SCLT1: variants seen among roughly 807,000 people sequenced by gnomAD.
SCLT1 encodes sodium channel-associated protein 1.
Under a neutral mutation model 112.8 loss-of-function variants are expected in SCLT1, and 78 were observed. The observed-to-expected ratio is 0.69, with a 90% confidence interval of 0.58 to 0.83. SCLT1 has a LOEUF of 0.83. Ranked by LOEUF, SCLT1 falls within the 40% of genes least tolerant of loss-of-function variation. The pLI, the probability that SCLT1 is intolerant of heterozygous loss-of-function variation, is 0.00. For synonymous variants in SCLT1, 257 were observed against 254.7 expected, an observed-to-expected ratio of 1.01 and a Z score of -0.09; for missense variants, 747 against 770.4, an observed-to-expected ratio of 0.97 and a Z score of 0.36.
chr4:129,013,941 G>C (rs746083530), intron 5 of SCLT1, among the ~76,000 whole-genome samples: 85 of 152,154 alleles, frequency 5.6e-4, no homozygotes, highest in African/African-American at 2.0e-3. Context: ...TTTCAGGGAT[G>C]CCTATGAGTC....
chr4:129,093,157 CAGAG>C lies in SCLT1; in HGVS notation c.-58_-55del. On this transcript the variant is annotated 5_prime_UTR_variant, in exon 1 of 21. Coordinates refer to ENST00000281142, the MANE Select transcript of SCLT1 (RefSeq NM_144643.4). ...ACCACCTTTACCTTCCTCTGAAAGA[CAGAG>C]AGCTTGCTGTGCGGGAAAACAAAAC... 6.4e-7 allele frequency: 1 copy of C among 1,561,906 alleles called. No individual in the cohort carries two copies. The highest frequency in any genetic ancestry group is 1.4e-5 in the African/African-American group (1 of 73,964).
Position 129,072,186 on chromosome 4 carries a change from AAC to A in SCLT1, c.102+10118_102+10119del, listed in dbSNP as rs570464943. On this transcript the variant is annotated intron_variant, in intron 2 of 20. Transcript: ENST00000281142. ...CTACTGAGAGATCTGCTGCTAATATAACAGGTTTTCCTTTATAGGTTACCTGG... is the reference window on the plus strand; with the variant it reads ...CTACTGAGAGATCTGCTGCTAATATAAGGTTTTCCTTTATAGGTTACCTGG... 2.5e-3 allele frequency among the ~76,000 whole-genome samples: 379 copies of A among 152,284 alleles called. 5 individuals carry two copies. The highest frequency in any genetic ancestry group is 1.2e-3 in the East Asian group (6 of 5,184).
chr4:128,965,094 T>G (rs975916017), intron 11 of SCLT1, 133 bp downstream of exon 11: 6 of 566,870 alleles, frequency 1.1e-5, no homozygotes, highest in Admixed American at 6.8e-5. Flanking sequence ...TTAAATCAGA[T>G]TTTACACCTA....
chr4:128,904,236 T>A (rs1734528498), intron 18 of SCLT1, among the ~76,000 whole-genome samples: 1 of 152,162 alleles, frequency 6.6e-6, no homozygotes, highest in Admixed American at 6.6e-5. Flanking sequence ...TATAGAAGAA[T>A]GAGGAATCCC....
chr4:128,937,670 G>A (rs1461582418), intron 17 of SCLT1, among the ~76,000 whole-genome samples: 1 of 152,124 alleles, frequency 6.6e-6, no homozygotes, highest in Non-Finnish European at 1.5e-5. Flanking sequence ...ATTAATGAAT[G>A]AATTATTTTT....
At chr4:128,890,322 AT>A (rs372593192) in intron 19 of SCLT1, among the ~76,000 whole-genome samples, 3,636 of 151,952 alleles carry the variant, frequency 0.024, 114 homozygotes, top group African/African-American at 0.074. Flanking sequence ...CTTCTTTCAA[AT>A]TTTTTTTGTA....
chr4:128,963,880 A>T (rs1381809077), intron 11 of SCLT1, among the ~76,000 whole-genome samples: 1 of 152,208 alleles, frequency 6.6e-6, no homozygotes, highest in Non-Finnish European at 1.5e-5. Flanking sequence ...CATTGTGTCA[A>T]ATGAAAAGAT....
chr4:128,945,942 G>T, intron 16 of SCLT1, 65 bp downstream of exon 16: 1 of 1,131,106 alleles, frequency 8.8e-7, no homozygotes, highest in Non-Finnish European at 1.3e-6. Context: ...AAAAGGTAGC[G>T]AATCTGTCAA....
intron 11 of SCLT1, among the ~76,000 whole-genome samples, chr4:128,963,789 G>T (rs1739942561): frequency 6.6e-6 from 1 of 151,976 alleles, no homozygotes; most frequent in Non-Finnish European, 1.5e-5. Context: ...ACCTATATTA[G>T]TTATTCTAAA....
chr4:128,953,671 C>A (rs1738961677), intron 13 of SCLT1, among the ~76,000 whole-genome samples: 1 of 151,332 alleles, frequency 6.6e-6, no homozygotes, highest in Non-Finnish European at 1.5e-5. Flanking sequence ...TGGTGGCAGG[C>A]ACCTGTAGTC....
chr4:129,084,724 C>A (rs1217301273), intron 1 of SCLT1, among the ~76,000 whole-genome samples: 1 of 152,110 alleles, frequency 6.6e-6, no homozygotes, highest in Non-Finnish European at 1.5e-5. Context: ...GGCCACATAC[C>A]TACAACTATC....
At chr4:128,982,978 T>A (rs1741791613) in intron 9 of SCLT1, among the ~76,000 whole-genome samples, 1 of 152,148 alleles carries the variant, frequency 6.6e-6, no homozygotes, top group Non-Finnish European at 1.5e-5. Flanking sequence ...AACCTCCACC[T>A]CCCAGGTTCA....
intron 5 of SCLT1, among the ~76,000 whole-genome samples, chr4:129,034,251 A>T (rs978554981): frequency 2.0e-5 from 3 of 152,094 alleles, no homozygotes; most frequent in Non-Finnish European, 4.4e-5. Context: ...ACTATACTGT[A>T]TTCATAGGAT....
intron 5 of SCLT1, among the ~76,000 whole-genome samples, chr4:129,013,396 TAC>T (rs1459786116): frequency 6.6e-6 from 1 of 152,190 alleles, no homozygotes; most frequent in Non-Finnish European, 1.5e-5. Context: ...GTGGTTGCTT[TAC>T]AGTGTCACTG....
intron 9 of SCLT1, among the ~76,000 whole-genome samples, chr4:128,983,697 T>C (rs775426373): frequency 1.2e-4 from 18 of 152,154 alleles, no homozygotes; most frequent in Non-Finnish European, 1.5e-4. Flanking sequence ...TATGACAAGG[T>C]ATCACCAAAA....
At chr4:129,014,085 C>T (rs150170126) in intron 5 of SCLT1, among the ~76,000 whole-genome samples, 15 of 152,262 alleles carry the variant, frequency 9.9e-5, no homozygotes, top group African/African-American at 3.1e-4. Context: ...TTCTTTCCTC[C>T]ACTTGATCTA....
In SCLT1 at chr4:128,999,817, C is replaced by T. The variant is rs200939052; in HGVS notation, c.427-23G>A. 137 of 1,563,498 alleles carry T rather than the reference C, an allele frequency of 8.8e-5. No individual in the cohort carries two copies. The African/African-American group carries it at 1.7e-3, about 20-fold the overall frequency. On this transcript the variant is annotated intron_variant, in intron 6 of 20. Transcript: ENST00000281142. ...TTCCTATTAAAAAAGTTTGATAACT[C>T]ATTAAATTATCAGCAGGCTATTTAT... is the stretch of plus-strand genomic sequence containing the variant.
intron 9 of SCLT1, chr4:128,971,670 A>G (rs1740698736): frequency 6.6e-6 from 1 of 152,134 alleles, no homozygotes; most frequent in Non-Finnish European, 1.5e-5. Context: ...TCCTAATAAT[A>G]TTTTATATGA....
At chr4:129,019,558 C>T (rs1745271742) in intron 5 of SCLT1, among the ~76,000 whole-genome samples, 1 of 152,002 alleles carries the variant, frequency 6.6e-6, no homozygotes, top group Non-Finnish European at 1.5e-5. Flanking sequence ...CCACTATATG[C>T]ATATATAACC....
Sources: allele counts gnomAD v4.1 joint callset (sites outside exome capture counted in the v4.1 genomes callset), GRCh38; gene constraint gnomAD v4.1.1; transcripts MANE v1.5; gene names NCBI Gene and HGNC (gene_info 2026-07-23, HGNC 2026-07-21).